The following SMOC1 variants were observed in gnomAD, a reference collection of about 807,000 sequenced individuals.
SMOC1 encodes SPARC related modular calcium binding 1, also known as SPARC-related modular calcium-binding protein 1.
Under a neutral mutation model 56.3 loss-of-function variants are expected in SMOC1, and 22 were observed. That is an observed-to-expected ratio of 0.39 (90% CI 0.28 to 0.56). The LOEUF (loss-of-function observed/expected upper bound fraction) is 0.56. SMOC1 is among the 20% of genes least tolerant of loss of function. The pLI is 0.61. For missense variants in SMOC1, 509 were observed against 565.4 expected (o/e 0.90, Z 1.01); for synonymous variants, 193 against 215.0 (o/e 0.90, Z 0.89).
chr14:69,883,786 A>G (rs1345522167), intron 1 of SMOC1, among the ~76,000 whole-genome samples: 1 of 151,188 alleles, frequency 6.6e-6, no homozygotes, highest in Non-Finnish European at 1.5e-5. Context: ...CCTTACCAGC[A>G]CTTGTTGTTT....
chr14:69,988,168 G>A (rs202237885), intron 5 of SMOC1, among the ~76,000 whole-genome samples: 30 of 152,264 alleles, frequency 2.0e-4, no homozygotes, highest in South Asian at 8.3e-4. Flanking sequence ...TATTATTACC[G>A]TTGCTCTTGA....
Position 70,030,387 on chromosome 14 carries a change from A to G in SMOC1, c.*129A>G. 2 of 1,118,952 alleles carry G rather than the reference A, an allele frequency of 1.8e-6. No individual in the cohort carries two copies. The highest frequency in any genetic ancestry group is 2.8e-5 in the South Asian group (2 of 71,424). 69.3% of individuals were successfully genotyped at this position (1,118,952 alleles called of 1,614,324 possible). On this transcript the variant is annotated 3_prime_UTR_variant, in exon 12 of 12. Coordinates refer to ENST00000361956, the MANE Select transcript of SMOC1 (RefSeq NM_001034852.3). The stretch of plus-strand genomic sequence containing the variant: ...CATAAGTGGTGCCCACCATGTTTGC[A>G]CTTTTAATAACTCTTACTTGCGTGT...
intron 9 of SMOC1, 54 bp downstream of exon 9, chr14:70,011,621 C>T: frequency 6.7e-7 from 1 of 1,496,396 alleles, no homozygotes; most frequent in Non-Finnish European, 9.3e-7. Context: ...TTCCTCCACC[C>T]TCTCATTATG....
intron 1 of SMOC1, among the ~76,000 whole-genome samples, chr14:69,893,142 C>T (rs1013969711): frequency 1.3e-5 from 2 of 152,086 alleles, no homozygotes; most frequent in Non-Finnish European, 2.9e-5. Context: ...ATAGTTAAAT[C>T]AATAGGTTTG....
intron 1 of SMOC1, among the ~76,000 whole-genome samples, chr14:69,925,573 G>A (rs1374892501): frequency 2.0e-5 from 3 of 152,028 alleles, no homozygotes; most frequent in Admixed American, 6.6e-5. Flanking sequence ...TGCTTGTCCC[G>A]ATCCCCTTAA....
At chr14:69,987,890 C>T (rs189158098) in intron 5 of SMOC1, among the ~76,000 whole-genome samples, 4 of 152,136 alleles carry the variant, frequency 2.6e-5, no homozygotes, top group Admixed American at 2.0e-4. Context: ...AGAGCCCATG[C>T]GGGGGCTGCA....
intron 7 of SMOC1, among the ~76,000 whole-genome samples, chr14:69,999,426 C>T (rs1009087964): frequency 7.9e-5 from 12 of 152,164 alleles, no homozygotes; most frequent in African/African-American, 2.2e-4. Flanking sequence ...CAGCGGTAGC[C>T]GTCGTAAGCA....
At chr14:69,917,311 C>G (rs1265252703) in intron 1 of SMOC1, among the ~76,000 whole-genome samples, 3 of 152,338 alleles carry the variant, frequency 2.0e-5, no homozygotes, top group Non-Finnish European at 2.9e-5. Flanking sequence ...GGCCCAAACA[C>G]CTCGCTGACA....
At chr14:70,006,994 C>T (rs928859450) in intron 7 of SMOC1, among the ~76,000 whole-genome samples, 20 of 152,214 alleles carry the variant, frequency 1.3e-4, no homozygotes, top group Admixed American at 6.5e-5. Context: ...GAGGGGTCCA[C>T]ACAAGGCCAT....
intron 3 of SMOC1, among the ~76,000 whole-genome samples, chr14:69,972,317 C>T (rs1405265713): frequency 2.0e-5 from 3 of 152,170 alleles, no homozygotes; most frequent in Non-Finnish European, 2.9e-5. Flanking sequence ...CTGATTCACT[C>T]GGGGCTCCTT....
chr14:69,910,159 G>A (rs1326099420), intron 1 of SMOC1, among the ~76,000 whole-genome samples: 1 of 152,212 alleles, frequency 6.6e-6, no homozygotes, highest in Non-Finnish European at 1.5e-5. Context: ...TCCTATGTTA[G>A]GTGTTTTACA....
rs143850168 is a variant in SMOC1, at chr14:69,977,660, G to A, written c.479-258G>A. ...TATGAGTGTGGAATTTTGTAAAAAT[G>A]TGGTCAAGACTGTTTCCAGGGAACC... On this transcript the variant is annotated intron_variant, in intron 4 of 11. Coordinates refer to ENST00000361956, the MANE Select transcript of SMOC1 (RefSeq NM_001034852.3). Among the ~76,000 whole-genome samples the A allele has an allele frequency of 3.9e-4, 60 of 152,294 alleles. 1 individual carries two copies. In the East Asian group the frequency reaches 0.01, roughly 26 times the overall value.
At chr14:69,918,383 A>G (rs924988243) in intron 1 of SMOC1, among the ~76,000 whole-genome samples, 1 of 152,006 alleles carries the variant, frequency 6.6e-6, no homozygotes, top group Middle Eastern at 3.2e-3. Context: ...GTGCACCACC[A>G]TGCTTGGTTG....
At position 70,030,501 on chromosome 14, in the gene SMOC1, G is replaced by A. The variant is rs990137929; in HGVS notation, c.*243G>A. ...GAAAGACTTTATTCTCTCTCTTATT[G>A]TAAGTTTTTGGATCTGCTACTGACA... On this transcript the variant is annotated 3_prime_UTR_variant, in exon 12 of 12. Transcript: ENST00000361956. 9 of 220,806 alleles carry A rather than the reference G, an allele frequency of 4.1e-5. No homozygotes were observed. The East Asian group carries it at 1.1e-3, about 28-fold the overall frequency. 13.7% of individuals were successfully genotyped at this position (220,806 alleles called of 1,614,324 possible).
intron 5 of SMOC1, among the ~76,000 whole-genome samples, chr14:69,978,366 T>G (rs1884047794): frequency 6.6e-6 from 1 of 152,118 alleles, no homozygotes; most frequent in African/African-American, 2.4e-5. Context: ...TGGGCATTTT[T>G]CCCCCCTCGC....
chr14:69,990,488 T>A (rs1294572268), intron 5 of SMOC1, among the ~76,000 whole-genome samples: 2 of 152,232 alleles, frequency 1.3e-5, no homozygotes. Flanking sequence ...CTGAGCACAC[T>A]GTGCTGGACT....
intron 1 of SMOC1, among the ~76,000 whole-genome samples, chr14:69,941,701 C>T (rs1882572176): frequency 6.6e-6 from 1 of 152,210 alleles, no homozygotes; most frequent in Admixed American, 6.5e-5. Flanking sequence ...TGATCTCTCC[C>T]CAACCTGGCC....
At chr14:70,028,324 C>T (rs1362231175) in intron 11 of SMOC1, among the ~76,000 whole-genome samples, 1 of 152,128 alleles carries the variant, frequency 6.6e-6, no homozygotes, top group Non-Finnish European at 1.5e-5. Flanking sequence ...ATGCCAACTG[C>T]CTGGGGCTCA....
intron 3 of SMOC1, among the ~76,000 whole-genome samples, chr14:69,961,958 G>A (rs2139465748): frequency 6.6e-6 from 1 of 152,266 alleles, no homozygotes; most frequent in East Asian, 1.9e-4. Context: ...TCTAGTGGGT[G>A]TGAAGTGGTA....
Sources: gnomAD v4.1 joint callset for allele counts (sites outside exome capture counted in the v4.1 genomes callset) on GRCh38, gnomAD v4.1.1 for gene constraint, MANE v1.5 for transcripts, NCBI Gene and HGNC (gene_info 2026-07-23, HGNC 2026-07-21) for gene names.